SLC71A2: variants seen among roughly 807,000 people sequenced by gnomAD.
SLC71A2 encodes the protein hippocampus abundant transcript-like 1.
the SLC71A2 span, among the ~76,000 whole-genome samples, chr9:94,411,062 T>C: frequency 3.3e-5 from 5 of 152,066 alleles, no homozygotes; most frequent in African/African-American, 1.2e-4. Flanking sequence ...ATTAAAAAAT[T>C]ATTATGCAGT....
the SLC71A2 span, among the ~76,000 whole-genome samples, chr9:94,382,026 T>G: frequency 6.7e-6 from 1 of 150,282 alleles, no homozygotes; most frequent in East Asian, 2.0e-4. Context: ...TTCCATAAGT[T>G]TTTTTTTTTT....
At chr9:94,429,894 C>T in the SLC71A2 span, among the ~76,000 whole-genome samples, 2 of 150,856 alleles carry the variant, frequency 1.3e-5, no homozygotes, top group Non-Finnish European at 2.9e-5. Flanking sequence ...ATTCTTTTTC[C>T]TCATTCTTTA....
the SLC71A2 span, among the ~76,000 whole-genome samples, chr9:94,443,654 CT>C: frequency 6.6e-6 from 1 of 152,160 alleles, no homozygotes; most frequent in African/African-American, 2.4e-5. Flanking sequence ...AAGTAGGCTA[CT>C]TTAGGCTTTA....
At chr9:94,445,251 T>C in the SLC71A2 span, 2 of 1,276,832 alleles carry the variant, frequency 1.6e-6, no homozygotes, top group East Asian at 2.5e-5. Context: ...AAAGTATGTA[T>C]GTGCAGCCTC....
At chr9:94,397,439 G>A in the SLC71A2 span, among the ~76,000 whole-genome samples, 1 of 151,552 alleles carries the variant, frequency 6.6e-6, no homozygotes, top group East Asian at 1.9e-4. Flanking sequence ...AAAATTACCA[G>A]GCATGGTGGT....
the SLC71A2 span, among the ~76,000 whole-genome samples, chr9:94,384,803 GCT>G: frequency 2.6e-5 from 4 of 152,110 alleles, no homozygotes; most frequent in Non-Finnish European, 4.4e-5. Flanking sequence ...GACTGTCAGG[GCT>G]ATTGAAGAAA....
chr9:94,376,510 C>T, the SLC71A2 span, among the ~76,000 whole-genome samples: 1 of 151,358 alleles, frequency 6.6e-6, no homozygotes, highest in South Asian at 2.1e-4. Flanking sequence ...TTCATTGGCT[C>T]CTTATGGCTT....
chr9:94,411,130 C>G, the SLC71A2 span, among the ~76,000 whole-genome samples: 2 of 150,524 alleles, frequency 1.3e-5, no homozygotes, highest in African/African-American at 4.9e-5. Context: ...GTAAGTTGTT[C>G]TTTTTTTAAA....
At chr9:94,448,822 A>AG in the SLC71A2 span, among the ~76,000 whole-genome samples, 1 of 152,096 alleles carries the variant, frequency 6.6e-6, no homozygotes, top group Non-Finnish European at 1.5e-5. Context: ...TAGTAGAGAC[A>AG]GGGTTTTACC....
At chr9:94,385,901 T>G in the SLC71A2 span, among the ~76,000 whole-genome samples, 10 of 152,198 alleles carry the variant, frequency 6.6e-5, no homozygotes, top group Non-Finnish European at 1.5e-4. Flanking sequence ...CTTTACTTAT[T>G]TTTTTGAGAG....
At chr9:94,435,406 T>C in the SLC71A2 span, among the ~76,000 whole-genome samples, 2 of 152,318 alleles carry the variant, frequency 1.3e-5, no homozygotes, top group African/African-American at 4.8e-5. Flanking sequence ...TCTTCACATA[T>C]CTCATCCATT....
the SLC71A2 span, among the ~76,000 whole-genome samples, chr9:94,439,501 A>T: frequency 2.0e-5 from 3 of 150,396 alleles, no homozygotes; most frequent in African/African-American, 7.3e-5. Flanking sequence ...GAACACACTT[A>T]CATATGGAAG....
the SLC71A2 span, among the ~76,000 whole-genome samples, chr9:94,385,209 C>G: frequency 2.0e-5 from 3 of 152,164 alleles, no homozygotes; most frequent in Admixed American, 6.6e-5. Flanking sequence ...CTGATTGCGT[C>G]CTTTGATGCA....
At chr9:94,397,144 C>T in the SLC71A2 span, among the ~76,000 whole-genome samples, 38,674 of 152,012 alleles carry the variant, frequency 0.25, 6,004 homozygotes, top group Non-Finnish European at 0.35. Context: ...TATTCTTGTC[C>T]ATTTATTTTT....
At chr9:94,450,507 T>TTTTTTTTTTTTTTTTA in the SLC71A2 span, among the ~76,000 whole-genome samples, 2 of 137,220 alleles carry the variant, frequency 1.5e-5, no homozygotes, top group Non-Finnish European at 3.1e-5. Context: ...TTTTTTTTTT[T>TTTTTTTTTTTTTTTTA]GAGATGGAGT....
At chr9:94,403,738 C>T in the SLC71A2 span, among the ~76,000 whole-genome samples, 1 of 152,002 alleles carries the variant, frequency 6.6e-6, no homozygotes, top group South Asian at 2.1e-4. Context: ...TTTTTGAGTA[C>T]CTGCCAAACC....
the SLC71A2 span, among the ~76,000 whole-genome samples, chr9:94,407,504 G>C: frequency 2.0e-5 from 3 of 151,766 alleles, no homozygotes; most frequent in Non-Finnish European, 2.9e-5. Flanking sequence ...TCCGTCACCT[G>C]AGTAGCTGAG....
chr9:94,424,112 C>A, the SLC71A2 span, among the ~76,000 whole-genome samples: 1 of 152,174 alleles, frequency 6.6e-6, no homozygotes, highest in African/African-American at 2.4e-5. Flanking sequence ...TACTGTGTCA[C>A]CTTTGTCATA....
At chr9:94,459,785 C>T in the SLC71A2 span, 2 of 199,894 alleles carry the variant, frequency 1.0e-5, no homozygotes, top group South Asian at 2.0e-4. Context: ...GCAGAAGGCA[C>T]AGAACAGTAG....
Sources: gnomAD v4.1 joint callset for allele counts (sites outside exome capture counted in the v4.1 genomes callset) on GRCh38, gnomAD v4.1.1 for gene constraint, MANE v1.5 for transcripts, NCBI Gene and HGNC (gene_info 2026-07-23, HGNC 2026-07-21) for gene names.